AIG1: variants seen among roughly 807,000 people sequenced by gnomAD.
AIG1 encodes the protein androgen induced 1.
A neutral mutation model predicts 31.4 loss-of-function variants in AIG1; 23 were observed. That is an observed-to-expected ratio of 0.73 (90% CI 0.53 to 1.04). The LOEUF is 1.04. AIG1 is among the 50% of genes least tolerant of loss of function. The probability of loss-of-function intolerance (pLI) is 0.00; values close to 1 mark genes in which losing one functional copy is unlikely to be tolerated. For synonymous variants in AIG1, 100 were observed against 110.5 expected, an observed-to-expected ratio of 0.90 and a Z score of 0.60; for missense variants, 274 against 295.0, an observed-to-expected ratio of 0.93 and a Z score of 0.52.
At chr6:143,286,060 T>C (rs1394512056) in intron 4 of AIG1, among the ~76,000 whole-genome samples, 1 of 150,980 alleles carries the variant, frequency 6.6e-6, no homozygotes, top group Non-Finnish European at 1.5e-5. Flanking sequence ...GCACTCATAT[T>C]TGCTTACCTG....
intron 3 of AIG1, among the ~76,000 whole-genome samples, chr6:143,251,779 C>T (rs926834265): frequency 3.3e-5 from 5 of 151,364 alleles, no homozygotes; most frequent in Non-Finnish European, 7.4e-5. Flanking sequence ...ATTCTTTCCA[C>T]TGTTCTTCCT....
Position 143,279,229 on chromosome 6 carries a change from T to C in AIG1, c.400-4881T>C, listed in dbSNP as rs1797172089. On this transcript the variant is annotated intron_variant, in intron 3 of 5. Coordinates refer to ENST00000357847, the MANE Select transcript of AIG1 (RefSeq NM_016108.4). The surrounding 1 kb of genome is among the most constrained non-coding windows in gnomAD (Gnocchi z 5.4). ...TTTTCATGGGCCCTGGCACTGTGGCTACTGTCCCTAAAGCATAGGTGGGTC... is the reference window on the plus strand; with the variant it reads ...TTTTCATGGGCCCTGGCACTGTGGCCACTGTCCCTAAAGCATAGGTGGGTC... Among the ~76,000 whole-genome samples, 1 of 152,230 alleles carries C rather than the reference T, an allele frequency of 6.6e-6. No individual in the cohort carries two copies. The highest frequency in any genetic ancestry group is 1.5e-5 in the Non-Finnish European group (1 of 68,034).
chr6:143,062,585 A>G (rs982757575), intron 1 of AIG1, among the ~76,000 whole-genome samples: 3 of 152,172 alleles, frequency 2.0e-5, no homozygotes, highest in Admixed American at 1.3e-4. Flanking sequence ...TGGCTTGTCA[A>G]TGAGGATTGG....
intron 3 of AIG1, chr6:143,187,831 A>T (rs1789410985): frequency 6.8e-7 from 1 of 1,465,462 alleles, no homozygotes; most frequent in Non-Finnish European, 9.0e-7. Flanking sequence ...GGCCTTCAAG[A>T]AGTGCCATTT....
chr6:143,209,380 G>T (rs1056483487), intron 3 of AIG1, among the ~76,000 whole-genome samples: 1 of 152,214 alleles, frequency 6.6e-6, no homozygotes, highest in African/African-American at 2.4e-5. Context: ...TTGTAGATGA[G>T]ATGCAAATTG....
chr6:143,149,256 G>T (rs903818356), intron 2 of AIG1, among the ~76,000 whole-genome samples: 1 of 152,114 alleles, frequency 6.6e-6, no homozygotes, highest in African/African-American at 2.4e-5. Flanking sequence ...GCTGGGTGCG[G>T]TGGCTTACAC....
intron 3 of AIG1, among the ~76,000 whole-genome samples, chr6:143,238,071 A>G (rs1286431455): frequency 6.6e-6 from 1 of 152,012 alleles, no homozygotes; most frequent in African/African-American, 2.4e-5. Flanking sequence ...CTCCCGAGTA[A>G]CTGGGACTAC....
chr6:143,306,217 C>G (rs1006129479), intron 4 of AIG1, among the ~76,000 whole-genome samples: 20 of 151,898 alleles, frequency 1.3e-4, no homozygotes, highest in African/African-American at 4.8e-4. Context: ...AGCATTTAGT[C>G]CATTTACATT....
At chr6:143,133,021 T>G (rs1783397512) in intron 1 of AIG1, among the ~76,000 whole-genome samples, 1 of 152,154 alleles carries the variant, frequency 6.6e-6, no homozygotes, top group South Asian at 2.1e-4. Flanking sequence ...ATATTTCTGT[T>G]ATTTCTACAT....
chr6:143,092,607 A>G (rs1250840153), intron 1 of AIG1, among the ~76,000 whole-genome samples: 1 of 152,172 alleles, frequency 6.6e-6, no homozygotes, highest in Non-Finnish European at 1.5e-5. Context: ...TTTTCTGAGC[A>G]GTAGATCTCA....
In AIG1 at chr6:143,340,479, C is replaced by G. The variant is rs1387403611; in HGVS notation, c.*803C>G. Among the ~76,000 whole-genome samples the G allele has an allele frequency of 6.6e-6, 1 of 150,378 alleles. No homozygotes were observed. Among genetic ancestry groups the G allele is most frequent in the Non-Finnish European group, 1.5e-5 (1 of 67,714 alleles). On this transcript the variant is annotated 3_prime_UTR_variant, in exon 6 of 6. Transcript: ENST00000357847. ...AACAAATTTTTTTTTTCTTTTTTTCCAGATGGAGTCTCACTCTGTCGCCCA... is the reference window on the plus strand; with the variant it reads ...AACAAATTTTTTTTTTCTTTTTTTCGAGATGGAGTCTCACTCTGTCGCCCA...
Position 143,217,616 on chromosome 6 carries a change from C to A in AIG1, c.399+52433C>A, listed in dbSNP as rs568918865. On this transcript the variant is annotated intron_variant, in intron 3 of 5. Transcript: ENST00000357847. ...CTCCACCTCCCAGGTCCAATCAATT[C>A]TCTTCCCTTAGCCTCCCAGGTAGCT... is the stretch of plus-strand genomic sequence containing the variant. Among the ~76,000 whole-genome samples, 3 of 152,252 alleles carry A rather than the reference C, an allele frequency of 2.0e-5. No individual in the cohort carries two copies. The East Asian group carries it at 5.8e-4, about 29-fold the overall frequency.
At chr6:143,149,449 C>A (rs1384853930) in intron 2 of AIG1, among the ~76,000 whole-genome samples, 3 of 150,238 alleles carry the variant, frequency 2.0e-5, no homozygotes, top group African/African-American at 7.4e-5. Context: ...ATGGTGTGAA[C>A]CCTGAAGGCG....
intron 3 of AIG1, among the ~76,000 whole-genome samples, chr6:143,247,311 T>C (rs1454645853): frequency 6.6e-6 from 1 of 152,202 alleles, no homozygotes; most frequent in African/African-American, 2.4e-5. Flanking sequence ...TTTTGTATTT[T>C]AGTAGAGACG....
chr6:143,128,871 T>C (rs943368542), intron 1 of AIG1, among the ~76,000 whole-genome samples: 3 of 152,252 alleles, frequency 2.0e-5, no homozygotes, highest in African/African-American at 7.2e-5. Flanking sequence ...GAGTTTATGC[T>C]TCTTTCCTGA....
intron 4 of AIG1, among the ~76,000 whole-genome samples, chr6:143,303,823 G>A (rs1799028543): frequency 6.9e-6 from 1 of 145,970 alleles, no homozygotes; most frequent in South Asian, 2.3e-4. Context: ...GGGCAGTATG[G>A]CCATTTTCAC....
intron 4 of AIG1, among the ~76,000 whole-genome samples, chr6:143,302,183 A>T (rs1798873159): frequency 6.6e-6 from 1 of 151,398 alleles, no homozygotes; most frequent in African/African-American, 2.4e-5. Flanking sequence ...TAACACTTTT[A>T]TTTTTTTATT....
At chr6:143,187,920 T>G in intron 3 of AIG1, 1 of 1,338,532 alleles carries the variant, frequency 7.5e-7, no homozygotes. Flanking sequence ...ACATGAATTT[T>G]TAACCTCCAT....
chr6:143,263,424 CTG>C (rs1795945860), intron 3 of AIG1, among the ~76,000 whole-genome samples: 2 of 152,194 alleles, frequency 1.3e-5, no homozygotes, highest in South Asian at 4.1e-4. Context: ...CTTCATATTT[CTG>C]TGTTTTCTTG....
Sources: gnomAD v4.1 joint callset for allele counts (sites outside exome capture counted in the v4.1 genomes callset) on GRCh38, gnomAD v4.1.1 for gene constraint, Gnocchi (gnomAD v3.1) non-coding constraint, MANE v1.5 for transcripts, NCBI Gene and HGNC (gene_info 2026-07-23, HGNC 2026-07-21) for gene names.